ZNF717: variants seen among roughly 807,000 people sequenced by gnomAD.
The protein encoded by ZNF717 is krueppel-like factor X17.
ZNF717 carries 9 observed loss-of-function variants against 13.8 expected under a neutral mutation model. That is an observed-to-expected ratio of 0.65 (90% CI 0.39 to 1.14). The LOEUF (loss-of-function observed/expected upper bound fraction) is 1.14, where lower values mean the gene tolerates loss of function less well. Among genes scored for constraint, ZNF717 ranks in the 50% most tolerant of loss-of-function variants. ZNF717 has a pLI of 0.01. For synonymous variants in ZNF717, 327 were observed against 364.1 expected (o/e 0.90, Z 1.16); for missense variants, 1,040 against 1,080.7 (o/e 0.96, Z 0.53).
At chr3:75,760,562 C>T (rs897508883) in intron 2 of ZNF717, among the ~76,000 whole-genome samples, 17 of 152,228 alleles carry the variant, frequency 1.1e-4, no homozygotes, top group African/African-American at 4.1e-4. Context: ...GGGAAGCTTA[C>T]AGCTGCAGAT....
chr3:75,744,718 C>T (rs1429571392), intron 2 of ZNF717, among the ~76,000 whole-genome samples: 3 of 151,972 alleles, frequency 2.0e-5, no homozygotes, highest in Admixed American at 6.5e-5. Flanking sequence ...GTGACAAACA[C>T]CTGACAAAAC....
At chr3:75,756,211 C>T (rs1218832879) in intron 2 of ZNF717, among the ~76,000 whole-genome samples, 1 of 152,228 alleles carries the variant, frequency 6.6e-6, no homozygotes, top group Non-Finnish European at 1.5e-5. Context: ...GTTTTGGGAA[C>T]CACAAATCAC....
chr3:75,753,771 C>A (rs1942197349), intron 2 of ZNF717, among the ~76,000 whole-genome samples: 1 of 125,660 alleles, frequency 8.0e-6, no homozygotes, highest in African/African-American at 3.0e-5. Flanking sequence ...AACACTTCTG[C>A]TGTGGTCTGA....
At position 75,767,200 on chromosome 3, in the gene ZNF717, G is replaced by T. The variant is rs1943541156; in HGVS notation, c.57+16106C>A. 2.6e-5 allele frequency among the ~76,000 whole-genome samples: 4 copies of T among 152,340 alleles called. No homozygotes were observed. The South Asian group carries it at 6.2e-4, about 24-fold the overall frequency. On this transcript the variant is annotated intron_variant, in intron 2 of 4. Transcript: ENST00000652011. ...AAACCATACGGCCAGTCCACGACTA[G>T]CTACACTCATTGACAGCCCCCACTG...
chr3:75,736,771 T>C lies in ZNF717; in HGVS notation c.*107A>G. On this transcript the variant is annotated 3_prime_UTR_variant, in exon 5 of 5. Transcript: ENST00000652011. ...CTTCTGTTACAGCATGGTTAAGACC[T>C]TCTTGTTGGTAGGCCAGGAGGTAAT... is the stretch of plus-strand genomic sequence containing the variant. 2.4e-6 allele frequency: 3 copies of C among 1,252,786 alleles called. No homozygotes were observed. Among genetic ancestry groups the C allele is most frequent in the Non-Finnish European group, 3.2e-6 (3 of 926,796 alleles). 77.6% of individuals were successfully genotyped at this position (1,252,786 alleles called of 1,614,324 possible). A position where few individuals can be genotyped will look rare whatever the true frequency, so the allele number is the denominator to read the frequency against.
intron 2 of ZNF717, among the ~76,000 whole-genome samples, chr3:75,779,712 C>A (rs1423565600): frequency 7.2e-6 from 1 of 138,248 alleles, no homozygotes; most frequent in African/African-American, 2.7e-5. Flanking sequence ...ATGGGAGTGA[C>A]GTGCTAAAAC....
chr3:75,756,510 C>A (rs1942489664), intron 2 of ZNF717, among the ~76,000 whole-genome samples: 1 of 152,182 alleles, frequency 6.6e-6, no homozygotes, highest in Admixed American at 6.5e-5. Context: ...ATTGTGAATG[C>A]AAAGGAAGTG....
At chr3:75,772,776 G>A (rs553843819) in intron 2 of ZNF717, among the ~76,000 whole-genome samples, 8 of 152,358 alleles carry the variant, frequency 5.3e-5, no homozygotes, top group East Asian at 1.9e-4. Flanking sequence ...CAGTGGGCCT[G>A]AGCAAAACAC....
In ZNF717 at chr3:75,775,970, G is replaced by A. The variant is rs1404118724; in HGVS notation, c.57+7336C>T. Among the ~76,000 whole-genome samples, 8 of 151,854 alleles carry A rather than the reference G, an allele frequency of 5.3e-5. No homozygotes were observed. The East Asian group carries it at 5.8e-4, about 11-fold the overall frequency. ...AGGAAATATTTTGCCAGATTTGCAT[G>A]CTAAATCACCAATACTGAAATTGTT... On this transcript the variant is annotated intron_variant, in intron 2 of 4. Coordinates refer to ENST00000652011, the MANE Select transcript of ZNF717 (RefSeq NM_001290208.3).
chr3:75,707,904 G>A (rs371497841), downstream of ZNF717, among the ~76,000 whole-genome samples: 968 of 152,334 alleles, frequency 6.4e-3, 3 homozygotes, highest in African/African-American at 0.021. Context: ...GCTGGGGGAG[G>A]GGCGCCTGCC....
Position 75,739,176 on chromosome 3 carries a change from T to A in ZNF717, c.447A>T (p.Gly149=). The change falls in exon 5 of 5, where the codon GGA becomes GGT. Residue 149 remains glycine, a synonymous_variant. Coordinates refer to ENST00000652011, the MANE Select transcript of ZNF717 (RefSeq NM_001290208.3). ...GCCCAGGCTTCATTCCTGAACTGTT[T>A]CCATTATTTATAATCAGATTTAAAA... The part of the protein sequence containing the change: ...NHVLNLIINN[G]NSSGMKPGQF... 6.4e-7 allele frequency: 1 copy of A among 1,551,016 alleles called. No homozygotes were observed. The highest frequency in any genetic ancestry group is 8.7e-7 in the Non-Finnish European group (1 of 1,146,688).
chr3:75,698,953 C>G (rs1423711993), intron 6 of ZNF717, among the ~76,000 whole-genome samples: 1 of 152,372 alleles, frequency 6.6e-6, no homozygotes, highest in South Asian at 2.1e-4. Context: ...GGGGGCTGAA[C>G]CATGCAAAGG....
At chr3:75,708,515 G>A (rs1470777999), downstream of ZNF717, among the ~76,000 whole-genome samples, 1 of 151,720 alleles carries the variant, frequency 6.6e-6, no homozygotes, top group Non-Finnish European at 1.5e-5. Flanking sequence ...CAAAGATGGG[G>A]AAAAAACACA....
At chr3:75,722,491 C>T in intron 4 of ZNF717, among the ~76,000 whole-genome samples, 1 of 152,046 alleles carries the variant, frequency 6.6e-6, no homozygotes. Context: ...CCCACACAGA[C>T]ATGAGGTTGT....
At chr3:75,784,053 T>G (rs1945000539) in intron 1 of ZNF717, among the ~76,000 whole-genome samples, 1 of 152,204 alleles carries the variant, frequency 6.6e-6, no homozygotes, top group Non-Finnish European at 1.5e-5. Context: ...CTTGCCTTTT[T>G]GGACACAGTC....
intron 2 of ZNF717, among the ~76,000 whole-genome samples, chr3:75,750,920 G>A (rs1363097547): frequency 4.3e-5 from 6 of 140,324 alleles, no homozygotes; most frequent in Non-Finnish European, 9.5e-5. Context: ...TGTTACGAGG[G>A]TTTGAATGTT....
At chr3:75,764,231 A>G (rs931013625) in intron 2 of ZNF717, among the ~76,000 whole-genome samples, 1 of 152,160 alleles carries the variant, frequency 6.6e-6, no homozygotes, top group African/African-American at 2.4e-5. Flanking sequence ...CACGAGCTAC[A>G]TGTAGGTTCC....
chr3:75,716,137 ATT>A (rs142722374), intron 5 of ZNF717, among the ~76,000 whole-genome samples: 8 of 139,716 alleles, frequency 5.7e-5, no homozygotes, highest in Non-Finnish European at 6.2e-5. Context: ...TGCCTGGCTA[ATT>A]TTTTTTTTTT....
intron 6 of ZNF717, among the ~76,000 whole-genome samples, chr3:75,704,111 C>A (rs1937751662): frequency 6.6e-6 from 1 of 152,308 alleles, no homozygotes; most frequent in Non-Finnish European, 1.5e-5. Context: ...CTGCACCTTC[C>A]AAGTTTAATT....
Sources: gnomAD v4.1 joint callset for allele counts (sites outside exome capture counted in the v4.1 genomes callset) on GRCh38, gnomAD v4.1.1 for gene constraint, MANE v1.5 for transcripts, NCBI Gene and HGNC (gene_info 2026-07-23, HGNC 2026-07-21) for gene names.